Variants in SLC38A4 observed in about 807,000 individuals in gnomAD.
SLC38A4 encodes the protein solute carrier family 38 member 4, also known as sodium-coupled neutral amino acid transporter 4.
A neutral mutation model predicts 63.1 loss-of-function variants in SLC38A4; 20 were observed. The observed-to-expected ratio is 0.32, with a 90% CI of 0.22 to 0.46. The LOEUF (loss-of-function observed/expected upper bound fraction) is 0.46. SLC38A4 is among the 20% of genes least tolerant of loss of function. The pLI, the probability that SLC38A4 is intolerant of heterozygous loss-of-function variation, is 1.00. For synonymous variants in SLC38A4, 230 were observed against 225.5 expected (o/e 1.02, Z -0.18); for missense variants, 526 against 663.6 (o/e 0.79, Z 2.28).
chr12:46,775,025 T>C (rs201461012), intron 14 of SLC38A4, 24 bp downstream of exon 14: 1 of 1,608,266 alleles, frequency 6.2e-7, no homozygotes, highest in African/African-American at 1.3e-5. Context: ...GTAGGTTTCT[T>C]TCATCAAAGT....
At chr12:46,787,521 A>G (rs1243970018) in intron 5 of SLC38A4, among the ~76,000 whole-genome samples, 2 of 152,122 alleles carry the variant, frequency 1.3e-5, no homozygotes, top group African/African-American at 4.8e-5. Flanking sequence ...AGAGAAGGCT[A>G]TTGTGCCCAG....
At chr12:46,815,306 C>G (rs1310147149) in intron 1 of SLC38A4, among the ~76,000 whole-genome samples, 5 of 145,282 alleles carry the variant, frequency 3.4e-5, no homozygotes, top group African/African-American at 1.3e-4. Flanking sequence ...CACACACACA[C>G]ACAGAGATTG....
rs377036861 is a variant in SLC38A4 at position 46,831,535 on chromosome 12, G to A, written c.-108+792C>T. 1.7e-3 allele frequency among the ~76,000 whole-genome samples: 253 copies of A among 152,354 alleles called. 4 individuals carry two copies. The South Asian group carries it at 0.042, about 25-fold the overall frequency. On this transcript the variant is annotated intron_variant, in intron 1 of 6. Transcript: ENST00000546940. Reference sequence around the variant, plus strand: ...GCCGGGCAATCCGACCGCGCGGTAAGCCGCCCTCGGAACCGCTGGCGCAGT... The same window carrying A: ...GCCGGGCAATCCGACCGCGCGGTAAACCGCCCTCGGAACCGCTGGCGCAGT...
chr12:46,779,558 C>CA lies in SLC38A4; in HGVS notation c.717+52dup, dbSNP rs1376658350. ...CAAAATGAGGACACTAATTTAGGCA[C>CA]AAAAAAACTCATGCTAACCAACCTG... On this transcript the variant is annotated intron_variant, in intron 10 of 16. Transcript: ENST00000266579. The CA allele has an allele frequency of 2.7e-6, 4 of 1,458,198 alleles. No individual in the cohort carries two copies. In the South Asian group the frequency reaches 3.9e-5, roughly 14 times the overall value. The allele number at this position is 1,458,198 out of a possible 1,614,324, so 90.3% of individuals were successfully genotyped here.
At chr12:46,799,267 A>G (rs949715971) in intron 2 of SLC38A4, among the ~76,000 whole-genome samples, 1 of 152,164 alleles carries the variant, frequency 6.6e-6, no homozygotes, top group Admixed American at 6.5e-5. Context: ...TTCACAAATG[A>G]ACAAATTAAG....
chr12:46,801,290 G>C (rs1425043128), intron 2 of SLC38A4, among the ~76,000 whole-genome samples: 2 of 151,952 alleles, frequency 1.3e-5, no homozygotes, highest in African/African-American at 4.8e-5. Context: ...TCTTTGGATG[G>C]GTACCTAAGA....
intron 1 of SLC38A4, among the ~76,000 whole-genome samples, chr12:46,811,957 A>C (rs771923686): frequency 4.6e-4 from 70 of 152,062 alleles, no homozygotes; most frequent in Non-Finnish European, 9.7e-4. Flanking sequence ...AGATATTTGA[A>C]GTTGATTTTT....
At chr12:46,787,146 A>T (rs532075281) in intron 5 of SLC38A4, among the ~76,000 whole-genome samples, 1 of 152,326 alleles carries the variant, frequency 6.6e-6, no homozygotes, top group African/African-American at 2.4e-5. Flanking sequence ...GAAAGTACGT[A>T]GGTTTAGGAA....
Position 46,819,039 on chromosome 12 carries a change from T to C in SLC38A4, c.-305+6864A>G, listed in dbSNP as rs1241046519. On this transcript the variant is annotated intron_variant, in intron 1 of 16. Coordinates refer to ENST00000266579, the MANE Select transcript of SLC38A4 (RefSeq NM_018018.5). Reference sequence around the variant, plus strand: ...AATTTGCAATTTAAAAAAAAGGGAATCAATTTTATGAGGGTTAGATTGAAG... The same window carrying C: ...AATTTGCAATTTAAAAAAAAGGGAACCAATTTTATGAGGGTTAGATTGAAG... Among the ~76,000 whole-genome samples the C allele has an allele frequency of 4.0e-5, 6 of 151,746 alleles. No homozygotes were observed. In the East Asian group the frequency reaches 1.2e-3, roughly 29 times the overall value.
At position 46,766,458 on chromosome 12, in the gene SLC38A4, T is replaced by C. The variant is rs117433039; in HGVS notation, c.*243A>G. ...AAAATACACCTTCATCATCTCACAC[T>C]GCTCTAGCAAAACCTGGGTAGAAAT... On this transcript the variant is annotated 3_prime_UTR_variant, in exon 17 of 17. Transcript: ENST00000266579. 15,161 of 610,036 alleles carry C rather than the reference T, an allele frequency of 0.025. 252 individuals are homozygous for C. The highest frequency in any genetic ancestry group is 0.032 in the Non-Finnish European group (10,449 of 326,088). The allele number at this position is 610,036 out of a possible 1,614,324, so 37.8% of individuals were successfully genotyped here. A position where few individuals can be genotyped will look rare whatever the true frequency, so the allele number is the denominator to read the frequency against.
chr12:46,770,635 A>T (rs962680751), intron 14 of SLC38A4, among the ~76,000 whole-genome samples: 1 of 152,102 alleles, frequency 6.6e-6, no homozygotes, highest in African/African-American at 2.4e-5. Context: ...GTAACTGGAT[A>T]AAGATCCCTG....
chr12:46,778,066 C>A (rs1358231020), intron 12 of SLC38A4, among the ~76,000 whole-genome samples: 1 of 151,952 alleles, frequency 6.6e-6, no homozygotes, highest in African/African-American at 2.4e-5. Context: ...ATGAACCCCT[C>A]CCCTGAACCA....
At position 46,776,981 on chromosome 12, in the gene SLC38A4, G is replaced by A. The variant is rs11183610; in HGVS notation, c.1097C>T (p.Thr366Met). 41,222 of 1,611,310 alleles carry A rather than the reference G, an allele frequency of 0.026. 4,685 individuals carry two copies. In the African/African-American group the frequency reaches 0.26, roughly 10 times the overall value. Residue 366 changes from threonine (T) to methionine (M), a missense_variant, in exon 13 of 17, where the codon ACG becomes ATG. Transcript: ENST00000266579. ...CCCCGTGATGGAAATATTTGACACC[G>A]TTTGCATTTTTCTCCGGGACCGACT... ...LKDRSRRKMQ[T>M]VSNISITGML...
intron 13 of SLC38A4, 39 bp downstream of exon 13, chr12:46,776,865 A>C: frequency 6.4e-7 from 1 of 1,574,674 alleles, no homozygotes; most frequent in Non-Finnish European, 8.7e-7. Flanking sequence ...CAGCCTAACA[A>C]GGATTTGCAT....
Position 46,778,768 on chromosome 12 carries a change from G to T in SLC38A4, c.726C>A (p.Tyr242Ter), listed in dbSNP as rs532543776. 6.2e-7 allele frequency: 1 copy of T among 1,611,110 alleles called. No homozygotes were observed. Among genetic ancestry groups the T allele is most frequent in the South Asian group, 1.1e-5 (1 of 90,930 alleles). ...CMVFFVSVVI[Y>*]KKFQIPCPLP... Reference sequence around the variant, plus strand: ...GAGGGCAGGGTATTTGGAATTTCTTGTAAATCACCTAGACTCAGTCATTAA... The same window carrying T: ...GAGGGCAGGGTATTTGGAATTTCTTTTAAATCACCTAGACTCAGTCATTAA... Residue 242 changes from tyrosine (Y) to a stop codon, truncating the protein, a stop_gained, in exon 11 of 17, where the codon TAC (tyrosine) becomes TAA (stop). Transcript: ENST00000266579. LOFTEE classifies it high-confidence loss of function.
intron 16 of SLC38A4, among the ~76,000 whole-genome samples, chr12:46,768,075 G>A (rs1212921672): frequency 6.6e-6 from 1 of 152,098 alleles, no homozygotes; most frequent in East Asian, 1.9e-4. Context: ...TGTGGGAAAG[G>A]CTACTACTAT....
At chr12:46,815,769 C>T (rs866311452) in intron 1 of SLC38A4, among the ~76,000 whole-genome samples, 1 of 151,814 alleles carries the variant, frequency 6.6e-6, no homozygotes, top group Non-Finnish European at 1.5e-5. Context: ...AAATTTAATT[C>T]GTAGGCCTCC....
chr12:46,770,211 C>G (rs1034032464), intron 14 of SLC38A4, among the ~76,000 whole-genome samples: 4 of 151,852 alleles, frequency 2.6e-5, no homozygotes, highest in African/African-American at 9.7e-5. Flanking sequence ...AGGGCAAGCA[C>G]TGAATTGATT....
chr12:46,819,036 G>T (rs1939492320), intron 1 of SLC38A4, among the ~76,000 whole-genome samples: 1 of 151,694 alleles, frequency 6.6e-6, no homozygotes, highest in Non-Finnish European at 1.5e-5. Flanking sequence ...AAAAAAAAGG[G>T]AATCAATTTT....
Sources: gnomAD v4.1 joint callset for allele counts (sites outside exome capture counted in the v4.1 genomes callset) on GRCh38, gnomAD v4.1.1 for gene constraint, MANE v1.5 for transcripts, NCBI Gene and HGNC (gene_info 2026-07-23, HGNC 2026-07-21) for gene names.